Variants in ITGB5 observed in about 807,000 individuals in gnomAD.
ITGB5 encodes integrin subunit beta 5.
In ITGB5, 38 loss-of-function variants were observed where a neutral mutation model predicts 84.8. The ratio of observed to expected loss-of-function variants is 0.45; its 90% confidence interval spans 0.35 to 0.59. The LOEUF is 0.59. ITGB5 is among the 20% of genes least tolerant of loss of function. The probability of loss-of-function intolerance (pLI) is 0.01; values close to 1 mark genes in which losing one functional copy is unlikely to be tolerated. For synonymous variants in ITGB5, 393 were observed against 414.4 expected (o/e 0.95, Z 0.63); for missense variants, 905 against 1,034.5 (o/e 0.87, Z 1.72).
upstream of ITGB5, among the ~76,000 whole-genome samples, chr3:124,888,611 C>T (rs1221215796): frequency 6.6e-6 from 1 of 152,224 alleles, no homozygotes; most frequent in Non-Finnish European, 1.5e-5. Context: ...CTCATTTCAT[C>T]CTCCGACAAC....
chr3:124,783,725 A>G (rs372128333), intron 10 of ITGB5, among the ~76,000 whole-genome samples: 1 of 152,270 alleles, frequency 6.6e-6, no homozygotes, highest in South Asian at 2.1e-4. Context: ...TCAGAGTAAC[A>G]TGAGAAAAAG....
At chr3:124,820,781 T>G (rs1030658461) in intron 6 of ITGB5, among the ~76,000 whole-genome samples, 12 of 152,218 alleles carry the variant, frequency 7.9e-5, no homozygotes, top group Non-Finnish European at 7.3e-5. Context: ...TTTGCACAAA[T>G]TCTTTCAAAT....
chr3:124,893,064 G>A (rs1036118045), intron 1 of ITGB5, among the ~76,000 whole-genome samples: 2 of 152,178 alleles, frequency 1.3e-5, no homozygotes, highest in African/African-American at 2.4e-5. Flanking sequence ...CTTTTGTAGA[G>A]ATTGATAGGC....
At chr3:124,769,269 C>T in intron 11 of ITGB5, 156 bp from the exon 12 acceptor site, 1 of 612,760 alleles carries the variant, frequency 1.6e-6, no homozygotes, top group Non-Finnish European at 2.8e-6. Context: ...TGCCTTTCTT[C>T]TTGTTATGGG....
Position 124,848,458 on chromosome 3 carries a change from C to T in ITGB5, c.462G>A (p.Leu154=). ...TGGTGCCCAGGCTCCGGATATTGTCCAAGTCATCCTTCATGGACAGGGAGA... is the reference window on the plus strand; with the variant it reads ...TGGTGCCCAGGCTCCGGATATTGTCTAAGTCATCCTTCATGGACAGGGAGA... ...MDLSLSMKDD[L]DNIRSLGTKL... is the part of the protein sequence containing the mutation. The change falls in exon 4 of 15, where the codon TTG becomes TTA. Residue 154 remains leucine, a synonymous_variant. Transcript: ENST00000296181. 6.2e-7 allele frequency: 1 copy of T among 1,614,146 alleles called. No homozygotes were observed. Among genetic ancestry groups the T allele is most frequent in the East Asian group, 2.2e-5 (1 of 44,880 alleles).
chr3:124,792,145 G>A (rs1189424584), intron 10 of ITGB5: 2 of 152,158 alleles, frequency 1.3e-5, no homozygotes, highest in African/African-American at 2.4e-5. Context: ...GGTGGAGAAG[G>A]CTAGTTGGGA....
At chr3:124,765,327 C>T (rs1454820136) in intron 13 of ITGB5, among the ~76,000 whole-genome samples, 1 of 152,168 alleles carries the variant, frequency 6.6e-6, no homozygotes, top group Non-Finnish European at 1.5e-5. Flanking sequence ...TAAAGCTTGA[C>T]CTCTTCAGTG....
intron 10 of ITGB5, among the ~76,000 whole-genome samples, chr3:124,783,380 C>T (rs6791330): frequency 2.6e-5 from 4 of 151,310 alleles, no homozygotes; most frequent in Non-Finnish European, 5.9e-5. Context: ...AGTTAAGAGA[C>T]GTAGGTATAG....
At chr3:124,768,473 T>C (rs2063797005) in intron 12 of ITGB5, among the ~76,000 whole-genome samples, 1 of 152,260 alleles carries the variant, frequency 6.6e-6, no homozygotes, top group Non-Finnish European at 1.5e-5. Flanking sequence ...TGGCTTTCTC[T>C]GTGTTGGACA....
intron 1 of ITGB5, among the ~76,000 whole-genome samples, chr3:124,883,552 T>C (rs1934674089): frequency 6.6e-6 from 1 of 152,168 alleles, no homozygotes; most frequent in Non-Finnish European, 1.5e-5. Flanking sequence ...CCAGCCAAAT[T>C]CCAACAACCC....
rs540847052 is a variant in ITGB5, at chr3:124,884,433, G to T, written c.70+2498C>A. Among the ~76,000 whole-genome samples the T allele has an allele frequency of 6.6e-5, 10 of 152,280 alleles. No individual in the cohort carries two copies. The East Asian group carries it at 1.9e-3, about 29-fold the overall frequency. ...AGATGGGCAGAGGCCAGCCGTGGTG[G>T]CTCACACCTGTAATCCTAGCATTTT... On this transcript the variant is annotated intron_variant, in intron 1 of 14. Coordinates refer to ENST00000296181, the MANE Select transcript of ITGB5 (RefSeq NM_002213.5).
intron 3 of ITGB5, among the ~76,000 whole-genome samples, chr3:124,857,548 C>A (rs2107615449): frequency 6.6e-6 from 1 of 152,228 alleles, no homozygotes; most frequent in East Asian, 1.9e-4. Flanking sequence ...CTAAATAAAC[C>A]ATCTACAAAT....
intron 11 of ITGB5, among the ~76,000 whole-genome samples, chr3:124,772,743 T>C (rs1441523587): frequency 6.6e-6 from 1 of 152,182 alleles, no homozygotes; most frequent in Non-Finnish European, 1.5e-5. Flanking sequence ...TGGGAGGCCA[T>C]GGCCGAGTCA....
chr3:124,765,984 G>A (rs1245772468), intron 13 of ITGB5, among the ~76,000 whole-genome samples: 1 of 151,196 alleles, frequency 6.6e-6, no homozygotes, highest in Non-Finnish European at 1.5e-5. Flanking sequence ...ACCTGAACCC[G>A]AGGAGGTCAA....
chr3:124,823,976 T>C (rs2064745892), intron 5 of ITGB5, among the ~76,000 whole-genome samples: 1 of 152,178 alleles, frequency 6.6e-6, no homozygotes, highest in Non-Finnish European at 1.5e-5. Context: ...CATTTCAGGA[T>C]TGGAAGAGCC....
chr3:124,809,219 C>T, intron 8 of ITGB5, 63 bp from the exon 9 acceptor site: 1 of 1,585,658 alleles, frequency 6.3e-7, no homozygotes, highest in Non-Finnish European at 8.6e-7. Context: ...GGTGCTCCCA[C>T]ACTGGTTTTC....
chr3:124,891,332 G>A (rs1322856174), upstream of ITGB5, among the ~76,000 whole-genome samples: 1 of 152,130 alleles, frequency 6.6e-6, no homozygotes, highest in Non-Finnish European at 1.5e-5. Flanking sequence ...TCCATCAACA[G>A]ATGAACAGAA....
chr3:124,869,567 C>A (rs2065445361), intron 2 of ITGB5, among the ~76,000 whole-genome samples: 1 of 152,098 alleles, frequency 6.6e-6, no homozygotes, highest in Admixed American at 6.6e-5. Flanking sequence ...GAGAGTGAGA[C>A]CCTGCCTCAA....
chr3:124,893,376 C>T (rs1935040140), intron 1 of ITGB5, among the ~76,000 whole-genome samples: 1 of 152,048 alleles, frequency 6.6e-6, no homozygotes, highest in Non-Finnish European at 1.5e-5. Context: ...CCCCTGCACT[C>T]CAGCCTGGAC....
Sources: gnomAD v4.1 joint callset for allele counts (sites outside exome capture counted in the v4.1 genomes callset) on GRCh38, gnomAD v4.1.1 for gene constraint, MANE v1.5 for transcripts, NCBI Gene and HGNC (gene_info 2026-07-23, HGNC 2026-07-21) for gene names.